Variants in TMEM232 observed in about 807,000 individuals in gnomAD.
TMEM232 encodes the protein transmembrane protein 232.
In TMEM232, 80 loss-of-function variants were observed where a neutral mutation model predicts 78.8. The observed-to-expected ratio is 1.01, with a 90% CI of 0.85 to 1.22. TMEM232 has a LOEUF of 1.22. Ranked by LOEUF, TMEM232 falls within the 50% of genes most tolerant of loss-of-function variation. TMEM232 has a pLI of 0.00. For synonymous variants in TMEM232, 297 were observed against 254.3 expected (o/e 1.17, Z -1.60); for missense variants, 881 against 742.2 (o/e 1.19, Z -2.17).
At chr5:110,539,338 C>A (rs866112004) in intron 11 of TMEM232, among the ~76,000 whole-genome samples, 1 of 152,106 alleles carries the variant, frequency 6.6e-6, no homozygotes, top group African/African-American at 2.4e-5. Context: ...CCCATCTTAC[C>A]CATTCTAAAG....
In TMEM232 at chr5:110,579,150, A is replaced by AT. The variant is rs201993524; in HGVS notation, c.1277-10526dup. ...GGGATGATTGTAAGACTACCCAAAG[A>AT]TTTTTTTAAGCAGGAATTTTGCCTG... On this transcript the variant is annotated intron_variant, in intron 10 of 13. Transcript: ENST00000455884. Among the ~76,000 whole-genome samples, 958 of 151,736 alleles carry AT rather than the reference A, an allele frequency of 6.3e-3. 20 individuals carry two copies. The highest frequency in any genetic ancestry group is 0.021 in the African/African-American group (888 of 41,460).
At chr5:110,637,009 T>C (rs749820509) in intron 5 of TMEM232, among the ~76,000 whole-genome samples, 6 of 151,744 alleles carry the variant, frequency 4.0e-5, no homozygotes, top group Non-Finnish European at 7.4e-5. Context: ...CTGAAGGAGA[T>C]GAGAAAGAAA....
downstream of TMEM232, among the ~76,000 whole-genome samples, chr5:110,419,433 C>T (rs1204554751): frequency 4.6e-5 from 7 of 152,114 alleles, no homozygotes; most frequent in African/African-American, 1.4e-4. Flanking sequence ...AGGTCACAAA[C>T]TTTGGCCCAT....
At chr5:110,553,094 T>C (rs1488740566) in intron 11 of TMEM232, among the ~76,000 whole-genome samples, 1 of 152,214 alleles carries the variant, frequency 6.6e-6, no homozygotes, top group Non-Finnish European at 1.5e-5. Flanking sequence ...CATTGGTCTA[T>C]GTGTCTGTTT....
chr5:110,698,917 C>G (rs953931614), intron 1 of TMEM232, among the ~76,000 whole-genome samples: 3 of 151,972 alleles, frequency 2.0e-5, no homozygotes, highest in African/African-American at 7.2e-5. Context: ...TAAAATTGCT[C>G]CAAAGTTATG....
chr5:110,570,376 T>G (rs1319446051), intron 10 of TMEM232, among the ~76,000 whole-genome samples: 1 of 151,994 alleles, frequency 6.6e-6, no homozygotes, highest in Non-Finnish European at 1.5e-5. Context: ...TGAATAGTCT[T>G]GACTAAAGTG....
chr5:110,400,199 C>T (rs1420112144), intron 2 of TMEM232, among the ~76,000 whole-genome samples: 1 of 152,076 alleles, frequency 6.6e-6, no homozygotes, highest in Admixed American at 6.6e-5. Flanking sequence ...GTGAAAAATG[C>T]ACAATTTAGA....
At chr5:110,678,060 G>T (rs1026572300) in intron 1 of TMEM232, among the ~76,000 whole-genome samples, 3 of 151,916 alleles carry the variant, frequency 2.0e-5, no homozygotes, top group Non-Finnish European at 4.4e-5. Flanking sequence ...TTTGTTTAAA[G>T]ACTTTACTTA....
chr5:110,436,146 C>T (rs2112718927), intron 12 of TMEM232, among the ~76,000 whole-genome samples: 1 of 151,980 alleles, frequency 6.6e-6, no homozygotes, highest in South Asian at 2.1e-4. Flanking sequence ...GGATAAAAGC[C>T]ATTTTAACTG....
At chr5:110,518,148 CTCTG>C (rs1353784111) in intron 12 of TMEM232, among the ~76,000 whole-genome samples, 20 of 151,772 alleles carry the variant, frequency 1.3e-4, no homozygotes, top group African/African-American at 4.8e-4. Context: ...CTCTCTCTTT[CTCTG>C]TCTCTCTTTC....
intron 3 of TMEM232, among the ~76,000 whole-genome samples, chr5:110,397,597 T>C (rs1380119102): frequency 1.3e-5 from 2 of 152,186 alleles, no homozygotes; most frequent in Non-Finnish European, 2.9e-5. Flanking sequence ...GTAATGGAAC[T>C]CATAATAAAT....
intron 10 of TMEM232, among the ~76,000 whole-genome samples, chr5:110,589,903 G>A (rs1479283517): frequency 1.3e-5 from 2 of 152,156 alleles, no homozygotes; most frequent in East Asian, 3.9e-4. Flanking sequence ...TTCCCTCATA[G>A]TTTTTCAGCT....
intron 12 of TMEM232, among the ~76,000 whole-genome samples, chr5:110,479,207 C>T (rs1457687321): frequency 6.6e-6 from 1 of 151,470 alleles, no homozygotes. Flanking sequence ...TGCCTACTTG[C>T]CCCTGCCAAA....
chr5:110,562,507 TA>T (rs1373250378), intron 11 of TMEM232, among the ~76,000 whole-genome samples: 4 of 151,968 alleles, frequency 2.6e-5, no homozygotes, highest in Admixed American at 1.3e-4. Context: ...CTGCTAATAC[TA>T]AAAAAAAGTT....
chr5:110,711,429 A>C (rs921278387), intron 1 of TMEM232, among the ~76,000 whole-genome samples: 1 of 152,186 alleles, frequency 6.6e-6, no homozygotes, highest in Non-Finnish European at 1.5e-5. Context: ...TTTATATGAA[A>C]CCACAAAAGA....
intron 1 of TMEM232, among the ~76,000 whole-genome samples, chr5:110,719,692 C>T (rs573541985): frequency 2.0e-4 from 30 of 152,040 alleles, no homozygotes; most frequent in African/African-American, 7.2e-4. Context: ...ATATTTGTTC[C>T]ACTCTGTGAA....
intron 11 of TMEM232, among the ~76,000 whole-genome samples, chr5:110,553,638 G>T (rs1474227850): frequency 1.3e-5 from 2 of 152,070 alleles, no homozygotes; most frequent in South Asian, 2.1e-4. Flanking sequence ...AGACTATGGG[G>T]TTTTCTAGAT....
intron 1 of TMEM232, among the ~76,000 whole-genome samples, chr5:110,722,372 C>A (rs1380837792): frequency 6.6e-6 from 1 of 152,152 alleles, no homozygotes; most frequent in East Asian, 1.9e-4. Flanking sequence ...CAAATGGCAG[C>A]TGCAGGTTCA....
chr5:110,726,108 TCACACA>T lies in TMEM232; in HGVS notation c.-13+513_-13+518del, dbSNP rs3985014. Among the ~76,000 whole-genome samples the T allele has an allele frequency of 2.1e-4, 30 of 144,638 alleles. No individual in the cohort carries two copies. In the East Asian group the frequency reaches 3.8e-3, roughly 18 times the overall value. The allele number at this position is 144,638 out of a possible 152,430, so 94.9% of individuals were successfully genotyped here. A position where few individuals can be genotyped will look rare whatever the true frequency, so the allele number is the denominator to read the frequency against. ...TCTCCAATATACCCCCCTCTCTCTT[TCACACA>T]CACACACACACACACACACACACAC... On this transcript the variant is annotated intron_variant, in intron 1 of 13. Transcript: ENST00000455884.
Sources: allele counts gnomAD v4.1 joint callset (sites outside exome capture counted in the v4.1 genomes callset), GRCh38; gene constraint gnomAD v4.1.1; transcripts MANE v1.5; gene names NCBI Gene and HGNC (gene_info 2026-07-23, HGNC 2026-07-21).